Variants in RXRA observed in about 807,000 individuals in gnomAD.
RXRA encodes retinoid X receptor alpha, also known as retinoic acid receptor RXR-alpha.
Under a neutral mutation model 44.5 loss-of-function variants are expected in RXRA, and 5 were observed. The observed-to-expected ratio is 0.11, with a 90% confidence interval of 0.06 to 0.24. RXRA has a LOEUF of 0.24. Ranked by LOEUF, RXRA falls within the 10% of genes least tolerant of loss-of-function variation. The probability of loss-of-function intolerance (pLI) is 1.00; values close to 1 mark genes in which losing one functional copy is unlikely to be tolerated. For synonymous variants in RXRA, 291 were observed against 271.4 expected (o/e 1.07, Z -0.71); for missense variants, 412 against 646.5 (o/e 0.64, Z 3.93).
chr9:134,336,742 G>A (rs1830012603), intron 1 of RXRA, among the ~76,000 whole-genome samples: 2 of 152,216 alleles, frequency 1.3e-5, no homozygotes, highest in African/African-American at 4.8e-5. Flanking sequence ...GAAGTTTGTG[G>A]CACGAATTCA....
chr9:134,368,936 TTA>T (rs1564272663), intron 1 of RXRA, among the ~76,000 whole-genome samples: 14 of 83,904 alleles, frequency 1.7e-4, no homozygotes, highest in African/African-American at 6.3e-4. Flanking sequence ...AGTGCGGGGG[TTA>T]TGTATGTGTG....
intron 1 of RXRA, among the ~76,000 whole-genome samples, chr9:134,388,941 A>G (rs370806437): frequency 6.6e-6 from 1 of 152,252 alleles, no homozygotes; most frequent in East Asian, 1.9e-4. Context: ...CCTGGAAGAC[A>G]CATTTCTGGC....
intron 5 of RXRA, among the ~76,000 whole-genome samples, 192 bp from the exon 6 acceptor site, chr9:134,421,484 C>T (rs1048468731): frequency 2.0e-5 from 3 of 152,222 alleles, no homozygotes; most frequent in Non-Finnish European, 2.9e-5. Flanking sequence ...CACCTAATCA[C>T]CTCTGCCAAG....
At chr9:134,396,650 C>T (rs1023999836) in intron 1 of RXRA, among the ~76,000 whole-genome samples, 1 of 152,142 alleles carries the variant, frequency 6.6e-6, no homozygotes, top group African/African-American at 2.4e-5. Flanking sequence ...CTCCTCCCTC[C>T]TCCCGGGCAC....
intron 1 of RXRA, among the ~76,000 whole-genome samples, chr9:134,352,044 C>T (rs1361871216): frequency 3.3e-5 from 5 of 152,132 alleles, no homozygotes; most frequent in South Asian, 2.1e-4. Context: ...GAGGGCGGCT[C>T]GGGGCAGCCC....
intron 2 of RXRA, chr9:134,402,428 G>C (rs576519901): frequency 6.5e-6 from 1 of 153,876 alleles, no homozygotes; most frequent in East Asian, 1.9e-4. Flanking sequence ...CTCTGTGGGC[G>C]CCTGGCCGTC....
intron 6 of RXRA, chr9:134,422,761 C>T: frequency 1.2e-5 from 12 of 985,464 alleles, no homozygotes; most frequent in Non-Finnish European, 1.4e-5. Flanking sequence ...CCCTCCATCC[C>T]TCATAAGGAG....
intron 6 of RXRA, chr9:134,427,172 A>C: frequency 1.4e-6 from 1 of 699,456 alleles, no homozygotes. Flanking sequence ...GGCAAAAACA[A>C]AAAAAAAAAA....
chr9:134,346,277 TTGCTGGGGACCAGCTG>T (rs1176512051), intron 1 of RXRA, among the ~76,000 whole-genome samples: 3 of 152,148 alleles, frequency 2.0e-5, no homozygotes, highest in Non-Finnish European at 4.4e-5. Context: ...CTCCCGCGGC[TTGCTGGGGACCAGCTG>T]TGCTGACTAA....
At chr9:134,351,163 C>G (rs544825468) in intron 1 of RXRA, among the ~76,000 whole-genome samples, 1 of 152,362 alleles carries the variant, frequency 6.6e-6, no homozygotes, top group Admixed American at 6.5e-5. Context: ...GGGCCCCCTT[C>G]TCCCACACAG....
At chr9:134,375,325 C>G (rs145918235) in intron 1 of RXRA, among the ~76,000 whole-genome samples, 1 of 152,074 alleles carries the variant, frequency 6.6e-6, no homozygotes, top group Non-Finnish European at 1.5e-5. Flanking sequence ...TGGCCTGGTT[C>G]CGATGGCTGT....
chr9:134,359,366 G>T (rs1215240301), intron 1 of RXRA, among the ~76,000 whole-genome samples: 2 of 152,072 alleles, frequency 1.3e-5, no homozygotes, highest in African/African-American at 4.8e-5. Flanking sequence ...TGGCAATAAC[G>T]AGCTAATTAA....
chr9:134,421,053 C>A (rs1025017461), intron 5 of RXRA, among the ~76,000 whole-genome samples: 2 of 152,248 alleles, frequency 1.3e-5, no homozygotes, highest in African/African-American at 4.8e-5. Context: ...TGGTTGGTCC[C>A]ACCCTGCTCC....
At chr9:134,372,807 CT>C (rs1830506733) in intron 1 of RXRA, among the ~76,000 whole-genome samples, 1 of 152,242 alleles carries the variant, frequency 6.6e-6, no homozygotes, top group African/African-American at 2.4e-5. Context: ...TGGCTCTGCC[CT>C]TGTAGGCTGT....
rs746813214 is a variant in RXRA, at chr9:134,343,590, G to C, written c.28+16931G>C. Among the ~76,000 whole-genome samples, 1 of 152,082 alleles carries C rather than the reference G, an allele frequency of 6.6e-6. No individual in the cohort carries two copies. The highest frequency in any genetic ancestry group is 1.5e-5 in the Non-Finnish European group (1 of 67,996). ...TAGAAATTGCTCGGGGCCAGGAAGC[G>C]AGACCAGTCACTGGGTGCAACCTTG... On this transcript the variant is annotated intron_variant, in intron 1 of 9. Transcript: ENST00000481739. The surrounding 1 kb of genome is among the most constrained non-coding windows in gnomAD (Gnocchi z 4.1).
chr9:134,336,000 C>T (rs1554747242), intron 1 of RXRA, among the ~76,000 whole-genome samples: 1 of 152,242 alleles, frequency 6.6e-6, no homozygotes, highest in African/African-American at 2.4e-5. Flanking sequence ...AGGAAAACAG[C>T]TCTGACCGTG....
intron 1 of RXRA, among the ~76,000 whole-genome samples, chr9:134,397,113 A>T (rs1047028162): frequency 1.3e-5 from 2 of 152,140 alleles, no homozygotes; most frequent in East Asian, 3.9e-4. Context: ...GCATCCTGGC[A>T]CTGGTGAGCG....
Position 134,426,500 on chromosome 9 carries a change from CGGAG to C in RXRA, c.911-2605_911-2602del. 3.0e-6 allele frequency: 3 copies of C among 985,452 alleles called. No individual in the cohort carries two copies. Among genetic ancestry groups the C allele is most frequent in the Non-Finnish European group, 3.6e-6 (3 of 829,932 alleles). The allele number at this position is 985,452 out of a possible 1,614,324, so 61.0% of individuals were successfully genotyped here. ...GGGAGCTGAGATGCAGCCGGCGTGC[CGGAG>C]GGTGCAGAGAGAGACTCCGCACTGT... On this transcript the variant is annotated intron_variant, in intron 6 of 9. Coordinates refer to ENST00000481739, the MANE Select transcript of RXRA (RefSeq NM_002957.6). The surrounding 1 kb of genome is among the most constrained non-coding windows in gnomAD (Gnocchi z 4.6).
chr9:134,425,649 A>G (rs1374798784), intron 6 of RXRA: 4 of 984,756 alleles, frequency 4.1e-6, no homozygotes, highest in Admixed American at 6.2e-5. Flanking sequence ...AGCAGGCCCA[A>G]GGTCCCCCTG....
Sources: gnomAD v4.1 joint callset for allele counts (sites outside exome capture counted in the v4.1 genomes callset) on GRCh38, gnomAD v4.1.1 for gene constraint, Gnocchi (gnomAD v3.1) non-coding constraint, MANE v1.5 for transcripts, NCBI Gene and HGNC (gene_info 2026-07-23, HGNC 2026-07-21) for gene names.